TXNL4A: variants seen among roughly 807,000 people sequenced by gnomAD.
TXNL4A encodes the protein thioredoxin like 4A, also known as thioredoxin-like protein 4A.
TXNL4A carries 17 observed loss-of-function variants against 14.6 expected under a neutral mutation model. That is an observed-to-expected ratio of 1.16 (90% CI 0.80 to 1.74). TXNL4A has a LOEUF of 1.74. Among genes scored for constraint, TXNL4A ranks in the 40% most tolerant of loss-of-function variants. The probability of loss-of-function intolerance (pLI) is 0.00; values close to 1 mark genes in which losing one functional copy is unlikely to be tolerated. For missense variants in TXNL4A, 74 were observed against 195.2 expected (o/e 0.38, Z 3.70); for synonymous variants, 83 against 70.6 (o/e 1.18, Z -0.88).
At chr18:80,003,800 A>G (rs2145107102) in intron 1 of TXNL4A, among the ~76,000 whole-genome samples, 1 of 152,324 alleles carries the variant, frequency 6.6e-6, no homozygotes, top group South Asian at 2.1e-4. Context: ...TTTACAATCA[A>G]TGCAGAAGGC....
chr18:80,003,085 A>G (rs377241100), intron 1 of TXNL4A, among the ~76,000 whole-genome samples: 34 of 152,372 alleles, frequency 2.2e-4, no homozygotes, highest in African/African-American at 6.0e-4. Flanking sequence ...GTCCAGCTTC[A>G]GCCTGGCCAA....
Position 80,004,922 on chromosome 18 carries a change from C to T in TXNL4A, c.-60-27221G>A, listed in dbSNP as rs1599743387. ...GTCCAGAACAGAAGCCAGGGAAATT[C>T]CCAGAAATGAAAATCAGGACAACTA... On this transcript the variant is annotated intron_variant, in intron 1 of 2. Coordinates refer to the TXNL4A transcript ENST00000585474. 2.0e-5 allele frequency among the ~76,000 whole-genome samples: 3 copies of T among 152,244 alleles called. No individual in the cohort carries two copies. The South Asian group carries it at 6.2e-4, about 32-fold the overall frequency.
upstream of TXNL4A, among the ~76,000 whole-genome samples, chr18:79,989,390 A>G (rs1599733712): frequency 6.6e-6 from 1 of 152,040 alleles, no homozygotes; most frequent in Non-Finnish European, 1.5e-5. Context: ...AATTACAGGA[A>G]GAAGCCACCG....
intron 1 of TXNL4A, among the ~76,000 whole-genome samples, chr18:80,002,206 C>T (rs1421684144): frequency 6.6e-6 from 1 of 152,140 alleles, no homozygotes; most frequent in African/African-American, 2.4e-5. Flanking sequence ...AGAAGCCTCA[C>T]AAAACATGCA....
chr18:80,028,834 C>T (rs898061325), intron 1 of TXNL4A, among the ~76,000 whole-genome samples: 1 of 152,156 alleles, frequency 6.6e-6, no homozygotes, highest in African/African-American at 2.4e-5. Flanking sequence ...CAGGGCAACC[C>T]ATAAAAAATG....
chr18:79,976,615 G>T lies in TXNL4A; in HGVS notation c.257+983C>A, dbSNP rs920809207. On this transcript the variant is annotated intron_variant, in intron 2 of 2. Transcript: ENST00000269601. Reference sequence around the variant, plus strand: ...GGATGTCTGACTTACAGAACTGTGAGCTCAGAAAAGCGGGGTGATTTAAGC... The same window carrying T: ...GGATGTCTGACTTACAGAACTGTGATCTCAGAAAAGCGGGGTGATTTAAGC... The T allele has an allele frequency of 2.5e-5, 8 of 314,166 alleles. No homozygotes were observed. In the Admixed American group the frequency reaches 3.5e-4, roughly 14 times the overall value. The allele number at this position is 314,166 out of a possible 1,614,324, so 19.5% of individuals were successfully genotyped here.
chr18:80,033,293 C>CCA lies in TXNL4A; in HGVS notation c.-61+556_-61+557dup, dbSNP rs34008719. ...TACACATGTACACATCCACACGCGCCCACACACACACACACACACAGACGT... is the reference window on the plus strand; with the variant it reads ...TACACATGTACACATCCACACGCGCCCACACACACACACACACACACAGACGT... On this transcript the variant is annotated intron_variant, in intron 1 of 2. Coordinates refer to the TXNL4A transcript ENST00000585474. Among the ~76,000 whole-genome samples, 83 of 150,972 alleles carry CCA rather than the reference C, an allele frequency of 5.5e-4. 1 individual carries two copies. The highest frequency in any genetic ancestry group is 1.0e-3 in the South Asian group (5 of 4,776).
intron 1 of TXNL4A, among the ~76,000 whole-genome samples, chr18:79,984,362 G>A (rs1001650256): frequency 6.6e-6 from 1 of 151,860 alleles, no homozygotes; most frequent in African/African-American, 2.4e-5. Flanking sequence ...GGGAGGCTGA[G>A]GTGACTGGCT....
At chr18:80,031,483 C>T (rs933688632) in intron 1 of TXNL4A, among the ~76,000 whole-genome samples, 2 of 152,208 alleles carry the variant, frequency 1.3e-5, no homozygotes, top group African/African-American at 4.8e-5. Context: ...CCAAAAACAG[C>T]AAACCTTTTT....
rs2051322124 is a variant in TXNL4A, at chr18:79,973,045, G to C, written c.*640C>G. 2 of 152,196 alleles carry C rather than the reference G, an allele frequency of 1.3e-5. No individual in the cohort carries two copies. The highest frequency in any genetic ancestry group is 2.9e-5 in the Non-Finnish European group (2 of 68,062). 9.4% of individuals were successfully genotyped at this position (152,196 alleles called of 1,614,324 possible). ...CATAAGATCCTTGCAAATGTAATTAGTTAAGATTAGGCCATGCTGGAGCAG... is the reference window on the plus strand; with the variant it reads ...CATAAGATCCTTGCAAATGTAATTACTTAAGATTAGGCCATGCTGGAGCAG... On this transcript the variant is annotated 3_prime_UTR_variant, in exon 3 of 3. Transcript: ENST00000269601.
chr18:79,986,623 T>C lies in TXNL4A; in HGVS notation c.153+1617A>G, dbSNP rs8086024. ...TTACATTAACACATAAAATCTGTTT[T>C]CTAGCTAAGAGCATCTTGCTGAGCT... On this transcript the variant is annotated intron_variant, in intron 1 of 2. Transcript: ENST00000269601. 811,853 of 985,268 alleles carry C rather than the reference T, an allele frequency of 0.82. 335,827 individuals are homozygous for C. The highest frequency in any genetic ancestry group is 0.91 in the East Asian group (8,048 of 8,808). The allele number at this position is 985,268 out of a possible 1,614,324, so 61.0% of individuals were successfully genotyped here.
chr18:80,023,782 C>T (rs1410201524), intron 1 of TXNL4A, among the ~76,000 whole-genome samples: 1 of 152,132 alleles, frequency 6.6e-6, no homozygotes, highest in Non-Finnish European at 1.5e-5. Context: ...GAATTACATT[C>T]CTGATTACTA....
At chr18:80,024,686 G>C (rs998069551) in intron 1 of TXNL4A, among the ~76,000 whole-genome samples, 11 of 152,260 alleles carry the variant, frequency 7.2e-5, no homozygotes, top group Middle Eastern at 3.4e-3. Context: ...GCTCCAAATA[G>C]GTTTCCTCTT....
chr18:80,013,368 G>A (rs912938863), intron 1 of TXNL4A, among the ~76,000 whole-genome samples: 7 of 151,524 alleles, frequency 4.6e-5, no homozygotes, highest in Admixed American at 2.0e-4. Flanking sequence ...TGATCCCCCC[G>A]CCTCGGCCTC....
upstream of TXNL4A, among the ~76,000 whole-genome samples, chr18:79,992,823 T>C (rs2051636218): frequency 6.8e-6 from 1 of 147,072 alleles, no homozygotes; most frequent in South Asian, 2.1e-4. Context: ...TTTGTCTATG[T>C]TACCTTATGT....
chr18:80,006,307 C>T (rs1263569744), intron 1 of TXNL4A, among the ~76,000 whole-genome samples: 3 of 151,958 alleles, frequency 2.0e-5, no homozygotes, highest in Admixed American at 6.5e-5. Context: ...TCGCTTGAAC[C>T]CAGGAGGCAG....
upstream of TXNL4A, among the ~76,000 whole-genome samples, chr18:79,992,876 T>TAAACAA (rs2051636762): frequency 1.3e-5 from 1 of 78,600 alleles, no homozygotes; most frequent in African/African-American, 4.7e-5. Context: ...TCATCTTATG[T>TAAACAA]AAAAAAAAAA....
At chr18:80,024,113 G>A (rs1405532268) in intron 1 of TXNL4A, among the ~76,000 whole-genome samples, 1 of 152,058 alleles carries the variant, frequency 6.6e-6, no homozygotes. Flanking sequence ...GCCGAAGTCT[G>A]GGACCTCTTC....
intron 1 of TXNL4A, among the ~76,000 whole-genome samples, chr18:80,027,094 C>T (rs1599758038): frequency 6.6e-6 from 1 of 152,136 alleles, no homozygotes; most frequent in South Asian, 2.1e-4. Flanking sequence ...GTCCGTTCCA[C>T]TTACGGTCTC....
Sources: gnomAD v4.1 joint callset for allele counts (sites outside exome capture counted in the v4.1 genomes callset) on GRCh38, gnomAD v4.1.1 for gene constraint, MANE v1.5 for transcripts, NCBI Gene and HGNC (gene_info 2026-07-23, HGNC 2026-07-21) for gene names.